PDE4D: variants seen among roughly 807,000 people sequenced by gnomAD.
PDE4D encodes phosphodiesterase 4D, also known as 3',5'-cyclic-AMP phosphodiesterase 4D.
Under a neutral mutation model 87.4 loss-of-function variants are expected in PDE4D, and 24 were observed. That is an observed-to-expected ratio of 0.27 (90% confidence interval 0.20 to 0.39). The LOEUF is 0.39. Among genes scored for constraint, PDE4D ranks in the 10% least tolerant of loss-of-function variants. The pLI is 1.00. For synonymous variants in PDE4D, 384 were observed against 383.2 expected (o/e 1.00, Z -0.02); for missense variants, 714 against 1,041.0 (o/e 0.69, Z 4.32).
intron 1 of PDE4D, among the ~76,000 whole-genome samples, chr5:59,468,955 T>C (rs555780910): frequency 2.0e-5 from 3 of 152,190 alleles, no homozygotes; most frequent in Non-Finnish European, 4.4e-5. Context: ...CTATGAGGCC[T>C]CCTGCAATAT....
At chr5:59,029,443 G>T (rs1308214408) in intron 6 of PDE4D, among the ~76,000 whole-genome samples, 1 of 148,232 alleles carries the variant, frequency 6.7e-6, no homozygotes, top group East Asian at 2.0e-4. Context: ...AAAAACTTAG[G>T]AGCAAATCTA....
chr5:60,476,816 C>T (rs1359174492), intron 1 of PDE4D, among the ~76,000 whole-genome samples: 2 of 152,164 alleles, frequency 1.3e-5, no homozygotes, highest in African/African-American at 4.8e-5. Flanking sequence ...TCCCTTTCTG[C>T]TCACCTTGCT....
At chr5:60,252,724 C>A (rs949472269) in intron 1 of PDE4D, among the ~76,000 whole-genome samples, 4 of 151,676 alleles carry the variant, frequency 2.6e-5, no homozygotes, top group Non-Finnish European at 5.9e-5. Context: ...TCCAAGAGAG[C>A]AGGAACTGTC....
At chr5:59,409,343 G>C (rs745798289) in intron 1 of PDE4D, among the ~76,000 whole-genome samples, 1 of 152,166 alleles carries the variant, frequency 6.6e-6, no homozygotes, top group Non-Finnish European at 1.5e-5. Context: ...AGACTGTTGA[G>C]AAGAGATGAT....
chr5:60,449,279 T>C (rs1482614119), intron 1 of PDE4D, among the ~76,000 whole-genome samples: 1 of 151,968 alleles, frequency 6.6e-6, no homozygotes, highest in Non-Finnish European at 1.5e-5. Flanking sequence ...GAAAGCTTCA[T>C]TTGGTGTTCT....
intron 2 of PDE4D, among the ~76,000 whole-genome samples, chr5:60,183,162 A>G (rs557616172): frequency 2.6e-5 from 4 of 152,158 alleles, no homozygotes; most frequent in Non-Finnish European, 5.9e-5. Flanking sequence ...AGGACGAGAG[A>G]GCTTACCAGG....
At chr5:59,172,006 A>T (rs1045068667) in intron 5 of PDE4D, among the ~76,000 whole-genome samples, 79 of 66,240 alleles carry the variant, frequency 1.2e-3, no homozygotes, top group East Asian at 7.1e-3. Context: ...ATATATAATA[A>T]ATATATATTA....
chr5:59,594,177 G>C (rs914055511), intron 1 of PDE4D, among the ~76,000 whole-genome samples: 3 of 151,438 alleles, frequency 2.0e-5, no homozygotes, highest in Non-Finnish European at 4.4e-5. Context: ...AAACACTTAG[G>C]AGATTCACAA....
At chr5:60,114,151 G>A (rs780590658) in intron 2 of PDE4D, among the ~76,000 whole-genome samples, 2 of 152,122 alleles carry the variant, frequency 1.3e-5, no homozygotes, top group Non-Finnish European at 2.9e-5. Context: ...ATAGTAACTA[G>A]TAGTATTTCA....
intron 2 of PDE4D, among the ~76,000 whole-genome samples, chr5:60,167,422 C>T (rs1359357466): frequency 1.3e-5 from 2 of 151,638 alleles, no homozygotes; most frequent in African/African-American, 2.4e-5. Flanking sequence ...GCGCCCGCCA[C>T]CTCGCCCGGC....
At chr5:59,409,862 G>T (rs1206412558) in intron 1 of PDE4D, among the ~76,000 whole-genome samples, 1 of 152,012 alleles carries the variant, frequency 6.6e-6, no homozygotes, top group Non-Finnish European at 1.5e-5. Context: ...AGTACTATAG[G>T]TCTTTTCTCT....
At chr5:59,942,712 GA>G (rs1757311252) in intron 3 of PDE4D, among the ~76,000 whole-genome samples, 1 of 152,040 alleles carries the variant, frequency 6.6e-6, no homozygotes, top group Admixed American at 6.5e-5. Flanking sequence ...GGTAAAATGG[GA>G]ACAAGAGACA....
chr5:59,496,784 G>A (rs1807296165), intron 1 of PDE4D, among the ~76,000 whole-genome samples: 1 of 152,172 alleles, frequency 6.6e-6, no homozygotes, highest in Admixed American at 6.5e-5. Context: ...TCAGTGTACT[G>A]TTGCGGACTC....
chr5:59,770,886 CT>C (rs1173398556), intron 1 of PDE4D, among the ~76,000 whole-genome samples: 3 of 152,100 alleles, frequency 2.0e-5, no homozygotes, highest in Admixed American at 2.0e-4. Context: ...AATCTCATCA[CT>C]TTGGGAGGCC....
intron 1 of PDE4D, among the ~76,000 whole-genome samples, chr5:59,420,905 G>T (rs2153627143): frequency 6.6e-6 from 1 of 152,130 alleles, no homozygotes; most frequent in Admixed American, 6.6e-5. Flanking sequence ...GGGCAGGAGG[G>T]CGATTTAGGA....
chr5:60,518,120 G>A (rs76394983), intron 1 of PDE4D, among the ~76,000 whole-genome samples: 1 of 152,248 alleles, frequency 6.6e-6, no homozygotes, highest in Non-Finnish European at 1.5e-5. Flanking sequence ...GCTAGCACTT[G>A]TGTCGGCATC....
intron 1 of PDE4D, among the ~76,000 whole-genome samples, chr5:59,684,132 C>A (rs1205296217): frequency 6.6e-6 from 1 of 152,124 alleles, no homozygotes; most frequent in Non-Finnish European, 1.5e-5. Flanking sequence ...AGCTAGTCAC[C>A]CTCCAAGACA....
intron 1 of PDE4D, among the ~76,000 whole-genome samples, chr5:60,474,794 C>T (rs1748180339): frequency 6.6e-6 from 1 of 152,114 alleles, no homozygotes; most frequent in African/African-American, 2.4e-5. Context: ...AACAATGTTC[C>T]TGTATGGAGC....
chr5:59,513,182 T>C (rs1052460477), intron 1 of PDE4D, among the ~76,000 whole-genome samples: 2 of 152,158 alleles, frequency 1.3e-5, no homozygotes, highest in Non-Finnish European at 2.9e-5. Flanking sequence ...ATACATTTGT[T>C]TTTTCTTAGA....
Sources: gnomAD v4.1 joint callset for allele counts (sites outside exome capture counted in the v4.1 genomes callset) on GRCh38, gnomAD v4.1.1 for gene constraint, MANE v1.5 for transcripts, NCBI Gene and HGNC (gene_info 2026-07-23, HGNC 2026-07-21) for gene names.